The following PSMD11 variants were observed in gnomAD, a reference collection of about 807,000 sequenced individuals.
The protein encoded by PSMD11 is proteasome 26S subunit, non-ATPase 11, also known as 26S proteasome non-ATPase regulatory subunit 11.
A neutral mutation model predicts 62.3 loss-of-function variants in PSMD11; 5 were observed. The observed-to-expected ratio is 0.08, with a 90% CI of 0.04 to 0.17. The LOEUF (loss-of-function observed/expected upper bound fraction) is 0.17, where lower values mean the gene tolerates loss of function less well. PSMD11 is among the 10% of genes least tolerant of loss of function. PSMD11 has a pLI of 1.00. For synonymous variants in PSMD11, 191 were observed against 191.8 expected (o/e 1.00, Z 0.03); for missense variants, 310 against 512.9 (o/e 0.60, Z 3.82).
chr17:32,446,803 A>G, intron 1 of PSMD11, 142 bp from the exon 2 acceptor site: 1 of 522,054 alleles, frequency 1.9e-6, no homozygotes, highest in Non-Finnish European at 3.3e-6. Flanking sequence ...CCTGGCTTAG[A>G]GTTTTTTTTT....
intron 6 of PSMD11, among the ~76,000 whole-genome samples, chr17:32,473,029 GT>G (rs1158444399): frequency 6.6e-6 from 1 of 150,922 alleles, no homozygotes; most frequent in African/African-American, 2.4e-5. Flanking sequence ...GTGGTAGTGG[GT>G]GCCTGTAATC....
At chr17:32,444,897 C>T in intron 1 of PSMD11, 1 of 508,260 alleles carries the variant, frequency 2.0e-6, no homozygotes, top group South Asian at 2.4e-5. Context: ...CCCGGGGATC[C>T]CTCCCTAGCC....
Position 32,474,835 on chromosome 17 carries a change from C to T in PSMD11, c.849+11C>T. ...TATGCAGGGAGGCAGGTAGGGACTC[C>T]CTTGACTGCAGTTCTGCTCACTCTG... is the stretch of plus-strand genomic sequence containing the variant. On this transcript the variant is annotated intron_variant, in intron 8 of 13. Transcript: ENST00000261712. The T allele has an allele frequency of 6.2e-7, 1 of 1,612,016 alleles. No homozygotes were observed. Among genetic ancestry groups the T allele is most frequent in the Non-Finnish European group, 8.5e-7 (1 of 1,178,208 alleles).
At chr17:32,470,314 G>GT (rs559267622) in intron 6 of PSMD11, among the ~76,000 whole-genome samples, 2,891 of 144,726 alleles carry the variant, frequency 0.02, 32 homozygotes, top group Non-Finnish European at 0.034. Flanking sequence ...CTTTGTTTCT[G>GT]TTTTTTTTTT....
In PSMD11 at chr17:32,481,265, A is replaced by G. The variant is rs1472897188; in HGVS notation, c.*513A>G. ...GAGGCATTTTGGTGTTCTTTCCCCT[A>G]CCATACGGCCTGTCTGCCCTTCCCT... is the stretch of plus-strand genomic sequence containing the variant. On this transcript the variant is annotated 3_prime_UTR_variant, in exon 14 of 14. Transcript: ENST00000261712. 1 of 154,840 alleles carries G rather than the reference A, an allele frequency of 6.5e-6. No homozygotes were observed. Among genetic ancestry groups the G allele is most frequent in the Non-Finnish European group, 1.5e-5 (1 of 68,918 alleles). 9.6% of individuals were successfully genotyped at this position (154,840 alleles called of 1,614,324 possible).
rs1263508807 is a variant in PSMD11 at position 32,474,742 on chromosome 17, C to A, written c.789-22C>A. 3.7e-6 allele frequency: 6 copies of A among 1,612,844 alleles called. No homozygotes were observed. In the Admixed American group the frequency reaches 5.0e-5, roughly 13 times the overall value. ...GAAGCATAACATCTGCAGCAATTGA[C>A]CAAGTATGTCTTTTTTTCTAGCCCA... On this transcript the variant is annotated intron_variant, in intron 7 of 13. Coordinates refer to ENST00000261712, the MANE Select transcript of PSMD11 (RefSeq NM_002815.4).
In PSMD11 at chr17:32,448,541, A is replaced by AT. The variant is rs879625081; in HGVS notation, c.193+1506dup. On this transcript the variant is annotated intron_variant, in intron 2 of 13. Transcript: ENST00000261712. ...CGCCACTATGCCCGGCTAATTTTGT[A>AT]TTTTTTTTTTTAGTAGAGGCGAGGT... Among the ~76,000 whole-genome samples the AT allele has an allele frequency of 8.9e-4, 125 of 141,024 alleles. 2 individuals carry two copies. The East Asian group carries it at 0.011, about 13-fold the overall frequency. The allele number at this position is 141,024 out of a possible 152,430, so 92.5% of individuals were successfully genotyped here.
chr17:32,480,705 G>C, intron 13 of PSMD11, 48 bp from the exon 14 acceptor site: 2 of 1,538,310 alleles, frequency 1.3e-6, no homozygotes, highest in Non-Finnish European at 1.8e-6. Flanking sequence ...ACCTCCTCCT[G>C]GTGTCCTCAT....
intron 5 of PSMD11, among the ~76,000 whole-genome samples, chr17:32,467,750 T>G (rs1359577192): frequency 2.0e-5 from 3 of 152,368 alleles, no homozygotes; most frequent in Admixed American, 2.0e-4. Context: ...TAGCTAGGAC[T>G]ATAGGCGTGT....
At position 32,480,746 on chromosome 17, in the gene PSMD11, C is replaced by T. The variant is rs1312528353; in HGVS notation, c.*1-7C>T. On this transcript the variant is annotated splice_polypyrimidine_tract_variant and splice_region_variant and intron_variant, in intron 13 of 13. Transcript: ENST00000261712. The stretch of plus-strand genomic sequence containing the variant: ...CCTGATTGACACTGCTCTGTCTTCT[C>T]TTGCAGAGTTGGATCTGTAGCGGTC... The T allele has an allele frequency of 7.9e-7, 1 of 1,262,612 alleles. No homozygotes were observed. Among genetic ancestry groups the T allele is most frequent in the Non-Finnish European group, 1.1e-6 (1 of 910,996 alleles). The allele number at this position is 1,262,612 out of a possible 1,614,324, so 78.2% of individuals were successfully genotyped here.
chr17:32,466,784 A>G (rs1025141503), intron 5 of PSMD11, among the ~76,000 whole-genome samples: 6 of 152,080 alleles, frequency 3.9e-5, no homozygotes, highest in South Asian at 2.1e-4. Flanking sequence ...GAGGGTTCCA[A>G]TTTTTCCATA....
At chr17:32,480,018 T>A in intron 11 of PSMD11, 128 bp from the exon 12 acceptor site, 1 of 1,471,158 alleles carries the variant, frequency 6.8e-7, no homozygotes, top group Non-Finnish European at 9.5e-7. Flanking sequence ...TGGACTAGAG[T>A]AGGAGTTGCA....
chr17:32,480,166 A>G lies in PSMD11; in HGVS notation c.1095A>G (p.Leu365=). 2 of 1,614,022 alleles carry G rather than the reference A, an allele frequency of 1.2e-6. No individual in the cohort carries two copies. Among genetic ancestry groups the G allele is most frequent in the East Asian group, 2.2e-5 (1 of 44,890 alleles). The change falls in exon 12 of 14, where the codon TTA becomes TTG. Residue 365 remains leucine, a synonymous_variant. Transcript: ENST00000261712. ...KLSKADVERK[L]SQMILDKKFH... ...TTTAGGCCGACGTGGAAAGGAAATT[A>G]TCACAGATGATTCTTGACAAGAAAT... is the stretch of plus-strand genomic sequence containing the variant.
intron 7 of PSMD11, 110 bp from the exon 8 acceptor site, chr17:32,474,654 G>C (rs895286157): frequency 6.5e-6 from 7 of 1,069,674 alleles, no homozygotes; most frequent in Admixed American, 3.5e-5. Context: ...GATTGTCTGT[G>C]TGGGCAGAGT....
At position 32,479,551 on chromosome 17, in the gene PSMD11, G is replaced by C. The variant is rs1440995494; in HGVS notation, c.1038+175G>C. The C allele has an allele frequency of 3.2e-6, 3 of 950,810 alleles. No individual in the cohort carries two copies. The Admixed American group carries it at 8.6e-5, about 27-fold the overall frequency. The allele number at this position is 950,810 out of a possible 1,614,324, so 58.9% of individuals were successfully genotyped here. ...AACAAAAATCGAGGAGAGAGATGCT[G>C]TGGGTAGAGGCATGTGGGTTGCCCC... On this transcript the variant is annotated intron_variant, in intron 10 of 13. Transcript: ENST00000261712.
chr17:32,474,084 A>G, intron 7 of PSMD11, 139 bp downstream of exon 7: 7 of 1,007,332 alleles, frequency 6.9e-6, no homozygotes, highest in Non-Finnish European at 1.0e-5. Flanking sequence ...TGGCTAAGGT[A>G]GAGCGGGAGG....
intron 2 of PSMD11, 96 bp from the exon 3 acceptor site, chr17:32,454,399 A>G (rs1907590655): frequency 7.8e-7 from 1 of 1,277,542 alleles, no homozygotes; most frequent in African/African-American, 1.5e-5. Context: ...CAGTGATGTA[A>G]GTACCGATTT....
At chr17:32,454,362 C>T (rs952382498) in intron 2 of PSMD11, 133 bp from the exon 3 acceptor site, 3 of 860,140 alleles carry the variant, frequency 3.5e-6, no homozygotes, top group Non-Finnish European at 5.4e-6. Flanking sequence ...GCTTTAAACT[C>T]CTAGTAAGTT....
chr17:32,451,553 T>C (rs533881425), intron 2 of PSMD11, among the ~76,000 whole-genome samples: 1 of 152,260 alleles, frequency 6.6e-6, no homozygotes, highest in Admixed American at 6.5e-5. Context: ...ATGCAAAGAA[T>C]AGATGTATTC....
Sources: gnomAD v4.1 joint callset for allele counts (sites outside exome capture counted in the v4.1 genomes callset) on GRCh38, gnomAD v4.1.1 for gene constraint, MANE v1.5 for transcripts, NCBI Gene and HGNC (gene_info 2026-07-23, HGNC 2026-07-21) for gene names.